The following ALK variants were observed in gnomAD, a reference collection of about 807,000 sequenced individuals.
The protein encoded by ALK is ALK tyrosine kinase receptor.
In ALK, 74 loss-of-function variants were observed where a neutral mutation model predicts 163.1. That is an observed-to-expected ratio of 0.45 (90% confidence interval 0.38 to 0.55). The LOEUF (loss-of-function observed/expected upper bound fraction) is 0.55. Ranked by LOEUF, ALK falls within the 20% of genes least tolerant of loss-of-function variation. The pLI, the probability that ALK is intolerant of heterozygous loss-of-function variation, is 0.00. For synonymous variants in ALK, 960 were observed against 843.2 expected, an observed-to-expected ratio of 1.14 and a Z score of -2.40; for missense variants, 2,063 against 2,105.3, an observed-to-expected ratio of 0.98 and a Z score of 0.39.
intron 3 of ALK, 74 bp downstream of exon 3, chr2:29,694,776 T>A (rs1449668988): frequency 3.2e-6 from 5 of 1,573,830 alleles, no homozygotes; most frequent in Non-Finnish European, 4.4e-6. Flanking sequence ...TGAAGTCTCA[T>A]CATTTCAAAC....
intron 4 of ALK, among the ~76,000 whole-genome samples, chr2:29,473,118 T>C (rs983021875): frequency 6.6e-6 from 1 of 152,228 alleles, no homozygotes; most frequent in African/African-American, 2.4e-5. Context: ...AGACATATTA[T>C]AAAGCTCCTG....
intron 3 of ALK, among the ~76,000 whole-genome samples, chr2:29,634,720 T>A (rs1378955952): frequency 6.6e-6 from 1 of 152,140 alleles, no homozygotes; most frequent in Non-Finnish European, 1.5e-5. Flanking sequence ...AAGCAAGATG[T>A]CCACACTAAC....
intron 1 of ALK, among the ~76,000 whole-genome samples, chr2:29,816,674 C>T (rs374215095): frequency 1.2e-4 from 18 of 152,296 alleles, no homozygotes; most frequent in Middle Eastern, 3.4e-3. Context: ...GGTCGGTCCC[C>T]CTTGGTTTCT....
chr2:29,783,263 T>C (rs1272465097), intron 1 of ALK, among the ~76,000 whole-genome samples: 1 of 152,216 alleles, frequency 6.6e-6, no homozygotes, highest in East Asian at 1.9e-4. Context: ...TTCGATGCTA[T>C]TCTCTTGGAT....
rs548447226 is a variant in ALK at position 29,511,108 on chromosome 2, T to A, written c.1154+20807A>T. Among the ~76,000 whole-genome samples, 12 of 152,312 alleles carry A rather than the reference T, an allele frequency of 7.9e-5. No individual in the cohort carries two copies. In the East Asian group the frequency reaches 1.9e-3, roughly 24 times the overall value. The stretch of plus-strand genomic sequence containing the variant: ...CTTTTTTCTAGGTATTTTTACAAAA[T>A]GTCAGCTTTATTGAGGCAAAACTTA... On this transcript the variant is annotated intron_variant, in intron 4 of 28. Transcript: ENST00000389048.
At chr2:29,742,634 C>T (rs548474181) in intron 1 of ALK, among the ~76,000 whole-genome samples, 136 of 152,308 alleles carry the variant, frequency 8.9e-4, no homozygotes, top group Non-Finnish European at 1.6e-3. Context: ...CAACAGAAAC[C>T]AGCAACCATA....
intron 8 of ALK, among the ~76,000 whole-genome samples, chr2:29,312,195 G>A (rs17007869): frequency 0.074 from 11,260 of 152,128 alleles, 475 homozygotes; most frequent in African/African-American, 0.085. Flanking sequence ...CATCACTAAA[G>A]TCAGATAAGA....
intron 4 of ALK, among the ~76,000 whole-genome samples, chr2:29,411,009 G>A (rs943195725): frequency 5.3e-5 from 8 of 152,014 alleles, no homozygotes; most frequent in African/African-American, 1.2e-4. Flanking sequence ...ACATAAATAC[G>A]TTGCTCAGGT....
At chr2:29,494,908 G>T (rs1558350053) in intron 4 of ALK, among the ~76,000 whole-genome samples, 1 of 150,960 alleles carries the variant, frequency 6.6e-6, no homozygotes, top group East Asian at 1.9e-4. Flanking sequence ...TAGTCTCTTA[G>T]TTCCTCACTA....
chr2:29,196,436 A>G (rs746946865), intron 28 of ALK, among the ~76,000 whole-genome samples: 35 of 152,214 alleles, frequency 2.3e-4, no homozygotes, highest in Non-Finnish European at 4.3e-4. Flanking sequence ...TTGAGAGCAG[A>G]TGTGTTCCAT....
intron 9 of ALK, among the ~76,000 whole-genome samples, chr2:29,294,461 A>G (rs891503741): frequency 3.9e-5 from 6 of 152,206 alleles, no homozygotes; most frequent in Non-Finnish European, 8.8e-5. Flanking sequence ...TATAGTTATT[A>G]GTAGTTGAGC....
chr2:29,419,179 C>T lies in ALK; in HGVS notation c.1155-35320G>A, dbSNP rs140179001. On this transcript the variant is annotated intron_variant, in intron 4 of 28. Coordinates refer to ENST00000389048, the MANE Select transcript of ALK (RefSeq NM_004304.5). ...AAGTGATTCTCCTGACTCAGCCTCC[C>T]GAGTAGCTGGGATTACAGGTACATG... Among the ~76,000 whole-genome samples, 696 of 151,376 alleles carry T rather than the reference C, an allele frequency of 4.6e-3. 14 individuals are homozygous for T. The highest frequency in any genetic ancestry group is 0.01 in the Middle Eastern group (3 of 294).
At chr2:29,386,881 C>T (rs1227722686) in intron 4 of ALK, among the ~76,000 whole-genome samples, 1 of 152,184 alleles carries the variant, frequency 6.6e-6, no homozygotes, top group African/African-American at 2.4e-5. Context: ...CAGTGAAAAA[C>T]AAATCTAAAC....
chr2:29,709,703 G>C (rs1475819106), intron 2 of ALK, among the ~76,000 whole-genome samples: 1 of 152,090 alleles, frequency 6.6e-6, no homozygotes, highest in African/African-American at 2.4e-5. Context: ...TTCTAATTTG[G>C]GGTTATAGTG....
At position 29,568,559 on chromosome 2, in the gene ALK, G is replaced by A. The variant is rs1300205937; in HGVS notation, c.953-36443C>T. On this transcript the variant is annotated intron_variant, in intron 3 of 28. Coordinates refer to ENST00000389048, the MANE Select transcript of ALK (RefSeq NM_004304.5). The stretch of plus-strand genomic sequence containing the variant: ...TTTTCAAGTCGAGAGTTCTTTAGGG[G>A]TCCCTGGAACTCCACACCCACTCCA... Among the ~76,000 whole-genome samples the A allele has an allele frequency of 2.6e-5, 4 of 152,134 alleles. No homozygotes were observed. In the South Asian group the frequency reaches 6.2e-4, roughly 24 times the overall value.
intron 6 of ALK, among the ~76,000 whole-genome samples, chr2:29,322,573 C>T (rs879430842): frequency 3.9e-5 from 6 of 152,246 alleles, no homozygotes; most frequent in Admixed American, 2.0e-4. Context: ...GTGGCTCACG[C>T]CTGCAATCCC....
chr2:29,677,934 A>AT (rs997371893), intron 3 of ALK, among the ~76,000 whole-genome samples: 1 of 151,970 alleles, frequency 6.6e-6, no homozygotes, highest in Non-Finnish European at 1.5e-5. Flanking sequence ...TTTGGGGTAG[A>AT]TTTTCAATTA....
At chr2:29,464,348 A>G (rs552620637) in intron 4 of ALK, among the ~76,000 whole-genome samples, 1 of 152,318 alleles carries the variant, frequency 6.6e-6, no homozygotes, top group South Asian at 2.1e-4. Flanking sequence ...TCCATAAAGA[A>G]CTGGAGTATA....
chr2:29,316,225 C>T (rs968914958), intron 8 of ALK, among the ~76,000 whole-genome samples: 2 of 152,082 alleles, frequency 1.3e-5, no homozygotes, highest in Non-Finnish European at 2.9e-5. Context: ...AAACATTTCT[C>T]CCAACATTGG....
Sources: gnomAD v4.1 joint callset for allele counts (sites outside exome capture counted in the v4.1 genomes callset) on GRCh38, gnomAD v4.1.1 for gene constraint, MANE v1.5 for transcripts, NCBI Gene and HGNC (gene_info 2026-07-23, HGNC 2026-07-21) for gene names.